Variants in SET observed in about 807,000 individuals in gnomAD.
SET encodes the protein protein SET.
Under a neutral mutation model 39.0 loss-of-function variants are expected in SET, and 4 were observed. The ratio of observed to expected loss-of-function variants is 0.10; its 90% confidence interval spans 0.05 to 0.23. The LOEUF (loss-of-function observed/expected upper bound fraction) is 0.23. Ranked by LOEUF, SET falls within the 10% of genes least tolerant of loss-of-function variation. The pLI is 1.00. For synonymous variants in SET, 114 were observed against 115.9 expected (o/e 0.98, Z 0.11); for missense variants, 137 against 329.7 (o/e 0.42, Z 4.53).
chr9:128,692,847 T>C, intron 4 of SET, 21 bp from the exon 5 acceptor site: 1 of 1,525,964 alleles, frequency 6.6e-7, no homozygotes, highest in Non-Finnish European at 9.1e-7. Flanking sequence ...ATATTTCTAA[T>C]CTTTCAATTA....
chr9:128,693,450 C>G (rs1335019189), intron 5 of SET, among the ~76,000 whole-genome samples, 188 bp from the exon 6 acceptor site: 1 of 152,106 alleles, frequency 6.6e-6, no homozygotes, highest in Non-Finnish European at 1.5e-5. Context: ...TATGGAAAAC[C>G]AAATGTAGTT....
In SET at chr9:128,692,852, C is replaced by T. The variant is rs567251122; in HGVS notation, c.379-16C>T. On this transcript the variant is annotated splice_polypyrimidine_tract_variant and intron_variant, in intron 4 of 7. Coordinates refer to ENST00000322030, the MANE Select transcript of SET (RefSeq NM_003011.4). ...AGACCTGTTCATATTTCTAATCTTT[C>T]AATTATTTATTACAGTATTTTGATG... is the stretch of plus-strand genomic sequence containing the variant. The T allele has an allele frequency of 2.5e-5, 38 of 1,529,262 alleles. 1 individual carries two copies. The South Asian group carries it at 4.1e-4, about 16-fold the overall frequency. The allele number at this position is 1,529,262 out of a possible 1,614,324, so 94.7% of individuals were successfully genotyped here. A position where few individuals can be genotyped will look rare whatever the true frequency, so the allele number is the denominator to read the frequency against.
chr9:128,687,032 T>G (rs1365434522), upstream of SET, among the ~76,000 whole-genome samples: 3 of 152,204 alleles, frequency 2.0e-5, no homozygotes, highest in Non-Finnish European at 4.4e-5. Flanking sequence ...CTACTTGGTT[T>G]AGAATCTTGG....
upstream of SET, chr9:128,685,136 C>T (rs547598741): frequency 6.4e-7 from 1 of 1,572,514 alleles, no homozygotes; most frequent in Non-Finnish European, 8.6e-7. Flanking sequence ...CCTGTTGGCA[C>T]TTTTACTGGG....
Position 128,695,858 on chromosome 9 carries a change from A to G in SET, c.*1194A>G. On this transcript the variant is annotated 3_prime_UTR_variant, in exon 8 of 8. Coordinates refer to ENST00000322030, the MANE Select transcript of SET (RefSeq NM_003011.4). ...TGGCAGTTTTTAAAATTGGCCTTTT[A>G]CCTGGATATAAATTAATTGTGCCTG... 1 of 227,960 alleles carries G rather than the reference A, an allele frequency of 4.4e-6. No homozygotes were observed. Among genetic ancestry groups the G allele is most frequent in the Non-Finnish European group, 8.8e-6 (1 of 114,160 alleles). The allele number at this position is 227,960 out of a possible 1,614,324, so 14.1% of individuals were successfully genotyped here. A position where few individuals can be genotyped will look rare whatever the true frequency, so the allele number is the denominator to read the frequency against.
chr9:128,694,731 A>AT lies in SET; in HGVS notation c.*67_*68insT. 1 of 592,354 alleles carries AT rather than the reference A, an allele frequency of 1.7e-6. No individual in the cohort carries two copies. The highest frequency in any genetic ancestry group is 2.8e-6 in the Non-Finnish European group (1 of 363,432). The allele number at this position is 592,354 out of a possible 1,614,324, so 36.7% of individuals were successfully genotyped here. On this transcript the variant is annotated 3_prime_UTR_variant, in exon 8 of 8. Coordinates refer to ENST00000322030, the MANE Select transcript of SET (RefSeq NM_003011.4). ...TCTCCAGTCCCTGGGAGCAAGTTGC[A>AT]GTCTTTTTTTTTTTTTTTTTTTTTT...
At chr9:128,687,161 C>T (rs913011817), upstream of SET, among the ~76,000 whole-genome samples, 5 of 151,912 alleles carry the variant, frequency 3.3e-5, no homozygotes, top group Non-Finnish European at 7.4e-5. Flanking sequence ...AGTTCGAGAC[C>T]AGCCTGGCCA....
chr9:128,691,853 T>C lies in SET; in HGVS notation c.132-5T>C. Reference sequence around the variant, plus strand: ...ATTGTCAACATCTCTTTTCATTTGCTTCAGACTTAATGAACAAGCCAGTGA... The same window carrying C: ...ATTGTCAACATCTCTTTTCATTTGCCTCAGACTTAATGAACAAGCCAGTGA... On this transcript the variant is annotated splice_polypyrimidine_tract_variant and splice_region_variant and intron_variant, in intron 2 of 7. Coordinates refer to ENST00000322030, the MANE Select transcript of SET (RefSeq NM_003011.4). 4.3e-6 allele frequency: 7 copies of C among 1,609,320 alleles called. No individual in the cohort carries two copies. Among genetic ancestry groups the C allele is most frequent in the Non-Finnish European group, 1.7e-6 (2 of 1,177,986 alleles).
intron 1 of SET, chr9:128,690,004 TC>T: frequency 9.8e-7 from 1 of 1,023,364 alleles, no homozygotes. Flanking sequence ...CTCGCTCCCA[TC>T]AGCCGCCGCC....
At chr9:128,691,351 A>G in intron 2 of SET, 124 bp downstream of exon 2, 1 of 677,714 alleles carries the variant, frequency 1.5e-6, no homozygotes, top group South Asian at 1.9e-5. Context: ...CTTGGTTGGA[A>G]ATACTTATGT....
At chr9:128,690,380 T>G (rs1366205528) in intron 1 of SET, 1 of 152,556 alleles carries the variant, frequency 6.6e-6, no homozygotes, top group African/African-American at 2.4e-5. Flanking sequence ...CAATCCGGGA[T>G]GGTTACCGGA....
At chr9:128,689,979 G>A in intron 1 of SET, 3 of 889,226 alleles carry the variant, frequency 3.4e-6, no homozygotes, top group Non-Finnish European at 4.1e-6. Flanking sequence ...TCTTTATTGT[G>A]CTCCGCCATG....
At chr9:128,694,153 G>GA (rs1377745738) in intron 7 of SET, 111 bp downstream of exon 7, 1 of 993,926 alleles carries the variant, frequency 1.0e-6, no homozygotes, top group Non-Finnish European at 1.4e-6. Flanking sequence ...ACTGATTGTG[G>GA]AAAAAAAGTA....
chr9:128,689,512 C>T lies in SET; in HGVS notation c.-71C>T, dbSNP rs1861419493. 2.7e-6 allele frequency: 2 copies of T among 741,568 alleles called. No homozygotes were observed. The highest frequency in any genetic ancestry group is 2.8e-5 in the South Asian group (1 of 35,188). The allele number at this position is 741,568 out of a possible 1,614,324, so 45.9% of individuals were successfully genotyped here. On this transcript the variant is annotated 5_prime_UTR_variant, in exon 1 of 8. Transcript: ENST00000322030. ...CCCGCGCGTGTGGCGTGAGGGGAAG[C>T]CGCTTGCCCGCCCCCTTCGCCTTCC...
Position 128,689,231 on chromosome 9 carries a change from TAGGAGGAGGTGG to T in SET, c.-342_-331del, listed in dbSNP as rs896763753. ...TGCGCCCTGCGCCCGCCCCTCGCCGTAGGAGGAGGTGGAGGAGGAGGCGGCTCGGGAGAGCGA... is the reference window on the plus strand; with the variant it reads ...TGCGCCCTGCGCCCGCCCCTCGCCGTAGGAGGAGGCGGCTCGGGAGAGCGA... On this transcript the variant is annotated 5_prime_UTR_variant, in exon 1 of 8. Coordinates refer to ENST00000322030, the MANE Select transcript of SET (RefSeq NM_003011.4). 31 of 994,428 alleles carry T rather than the reference TAGGAGGAGGTGG, an allele frequency of 3.1e-5. No individual in the cohort carries two copies. Among genetic ancestry groups the T allele is most frequent in the Middle Eastern group, 4.9e-4 (1 of 2,026 alleles). 61.6% of individuals were successfully genotyped at this position (994,428 alleles called of 1,614,324 possible).
rs75300183 is a variant in SET, at chr9:128,691,825, A to G, written c.132-33A>G. The G allele has an allele frequency of 3.7e-4, 581 of 1,590,842 alleles. 4 individuals carry two copies. In the African/African-American group the frequency reaches 6.2e-3, roughly 17 times the overall value. ...CCAATTTTTTAATTTGTTAAATACT[A>G]TCATTGTCAACATCTCTTTTCATTT... On this transcript the variant is annotated intron_variant, in intron 2 of 7. Coordinates refer to ENST00000322030, the MANE Select transcript of SET (RefSeq NM_003011.4).
At chr9:128,685,770 G>A (rs1349960602), upstream of SET, among the ~76,000 whole-genome samples, 2 of 152,180 alleles carry the variant, frequency 1.3e-5, no homozygotes, top group African/African-American at 2.4e-5. Context: ...GGTGGCTGAC[G>A]CCTGTAATCC....
upstream of SET, among the ~76,000 whole-genome samples, chr9:128,687,065 T>C (rs534907736): frequency 6.6e-6 from 1 of 152,294 alleles, no homozygotes; most frequent in South Asian, 2.1e-4. Flanking sequence ...CAACAAAGTT[T>C]AGTTTATGCT....
rs1360780818 is a variant in SET, at chr9:128,689,273, C to G, written c.-310C>G. On this transcript the variant is annotated 5_prime_UTR_variant, in exon 1 of 8. Coordinates refer to ENST00000322030, the MANE Select transcript of SET (RefSeq NM_003011.4). The stretch of plus-strand genomic sequence containing the variant: ...GGAGGCGGCTCGGGAGAGCGAGCAG[C>G]GAGCTGGCTGGATCGCCGAGCGCGA... The G allele has an allele frequency of 9.9e-7, 1 of 1,010,194 alleles. No individual in the cohort carries two copies. Among genetic ancestry groups the G allele is most frequent in the Non-Finnish European group, 1.2e-6 (1 of 845,438 alleles). 62.6% of individuals were successfully genotyped at this position (1,010,194 alleles called of 1,614,324 possible).
Sources: allele counts gnomAD v4.1 joint callset (sites outside exome capture counted in the v4.1 genomes callset), GRCh38; gene constraint gnomAD v4.1.1; transcripts MANE v1.5; gene names NCBI Gene and HGNC (gene_info 2026-07-23, HGNC 2026-07-21).